VAT1L: variants seen among roughly 807,000 people sequenced by gnomAD.
VAT1L encodes the protein putative NADPH-dependent quinone oxidoreductase VAT1L.
A neutral mutation model predicts 44.1 loss-of-function variants in VAT1L; 34 were observed. That is an observed-to-expected ratio of 0.77 (90% CI 0.59 to 1.03). The LOEUF is 1.03. VAT1L is among the 50% of genes least tolerant of loss of function. The probability of loss-of-function intolerance (pLI) is 0.00; values close to 1 mark genes in which losing one functional copy is unlikely to be tolerated. For synonymous variants in VAT1L, 253 were observed against 202.2 expected (o/e 1.25, Z -2.13); for missense variants, 615 against 538.8 (o/e 1.14, Z -1.40).
intron 2 of VAT1L, among the ~76,000 whole-genome samples, chr16:77,818,223 C>T (rs749446691): frequency 6.6e-6 from 1 of 152,126 alleles, no homozygotes; most frequent in Non-Finnish European, 1.5e-5. Context: ...TGAATTTGAG[C>T]CTGCTTCTCA....
At chr16:77,809,361 T>A (rs1167371262) in intron 1 of VAT1L, among the ~76,000 whole-genome samples, 1 of 152,206 alleles carries the variant, frequency 6.6e-6, no homozygotes, top group Non-Finnish European at 1.5e-5. Flanking sequence ...TCAGAGAAAT[T>A]AGAAAGGCCA....
At chr16:77,863,610 A>AG (rs1475507579) in intron 4 of VAT1L, among the ~76,000 whole-genome samples, 7 of 152,144 alleles carry the variant, frequency 4.6e-5, no homozygotes, top group Non-Finnish European at 1.0e-4. Context: ...AGGGGCAGGG[A>AG]GGGGGCTGCT....
intron 7 of VAT1L, among the ~76,000 whole-genome samples, chr16:77,971,040 G>A (rs1231404446): frequency 1.3e-5 from 2 of 151,518 alleles, no homozygotes; most frequent in Non-Finnish European, 2.9e-5. Flanking sequence ...AAGAGATGTT[G>A]CATTTCCACG....
intron 7 of VAT1L, among the ~76,000 whole-genome samples, chr16:77,935,559 G>A (rs1319063535): frequency 2.6e-5 from 4 of 151,766 alleles, no homozygotes; most frequent in African/African-American, 7.3e-5. Context: ...AGATGGGGGC[G>A]GTGGCGGGGA....
At chr16:77,896,331 T>C (rs941921512) in intron 7 of VAT1L, among the ~76,000 whole-genome samples, 1 of 152,152 alleles carries the variant, frequency 6.6e-6, no homozygotes, top group African/African-American at 2.4e-5. Context: ...ATCCCAACCC[T>C]GAGTTAGGAG....
chr16:77,846,876 T>TA (rs139591118), intron 3 of VAT1L, among the ~76,000 whole-genome samples: 2 of 151,900 alleles, frequency 1.3e-5, no homozygotes, highest in East Asian at 1.9e-4. Flanking sequence ...ATTCTGTGGA[T>TA]AAAAAAAATT....
At chr16:77,789,624 G>A (rs1446117904) in intron 1 of VAT1L, among the ~76,000 whole-genome samples, 1 of 152,138 alleles carries the variant, frequency 6.6e-6, no homozygotes, top group African/African-American at 2.4e-5. Context: ...CCCAGGCTTG[G>A]TGAGGGTGGA....
intron 7 of VAT1L, among the ~76,000 whole-genome samples, chr16:77,902,972 G>GAAAAAAAAAAAAAAAAA (rs11307214): frequency 8.3e-5 from 8 of 96,378 alleles, no homozygotes; most frequent in Non-Finnish European, 1.4e-4. Context: ...GACTCTGTCT[G>GAAAAAAAAAAAAAAAAA]AAAAAAAAAA....
intron 7 of VAT1L, among the ~76,000 whole-genome samples, chr16:77,928,220 A>G (rs917869464): frequency 6.6e-6 from 1 of 152,200 alleles, no homozygotes; most frequent in Non-Finnish European, 1.5e-5. Flanking sequence ...TGACCTGAGA[A>G]GTCCCAGGGA....
At chr16:77,814,438 C>T (rs1246854880) in intron 1 of VAT1L, among the ~76,000 whole-genome samples, 1 of 152,162 alleles carries the variant, frequency 6.6e-6, no homozygotes, top group African/African-American at 2.4e-5. Context: ...GTGTTAGCCT[C>T]TTCTCATTGG....
At chr16:77,923,198 T>A (rs2017630914) in intron 7 of VAT1L, among the ~76,000 whole-genome samples, 1 of 152,170 alleles carries the variant, frequency 6.6e-6, no homozygotes, top group Admixed American at 6.5e-5. Context: ...CGCCTGTAAT[T>A]GCAGCATATT....
intron 7 of VAT1L, among the ~76,000 whole-genome samples, chr16:77,930,280 T>C (rs1597104302): frequency 6.6e-6 from 1 of 152,286 alleles, no homozygotes; most frequent in East Asian, 1.9e-4. Flanking sequence ...ATGGCCTCAG[T>C]GAAAGCCACT....
At chr16:77,939,581 C>A (rs945036996) in intron 7 of VAT1L, among the ~76,000 whole-genome samples, 1 of 152,132 alleles carries the variant, frequency 6.6e-6, no homozygotes, top group South Asian at 2.1e-4. Flanking sequence ...AATCCAGTAA[C>A]CTGGGTTTGG....
At chr16:77,793,434 C>A (rs2145203796) in intron 1 of VAT1L, among the ~76,000 whole-genome samples, 2 of 152,252 alleles carry the variant, frequency 1.3e-5, no homozygotes, top group African/African-American at 4.8e-5. Flanking sequence ...CTTAGGCAAA[C>A]CAAGGTGTAT....
intron 7 of VAT1L, among the ~76,000 whole-genome samples, chr16:77,886,099 G>A (rs1402110139): frequency 1.3e-5 from 2 of 152,128 alleles, no homozygotes; most frequent in African/African-American, 2.4e-5. Context: ...TTAACATTTC[G>A]GTTTGCTTCC....
intron 1 of VAT1L, among the ~76,000 whole-genome samples, chr16:77,812,737 C>T (rs2016287184): frequency 6.6e-6 from 1 of 152,136 alleles, no homozygotes; most frequent in Non-Finnish European, 1.5e-5. Flanking sequence ...CCTAACATAT[C>T]TTCAGATCCC....
chr16:77,858,312 G>C (rs925947681), intron 3 of VAT1L, among the ~76,000 whole-genome samples: 1 of 152,184 alleles, frequency 6.6e-6, no homozygotes, highest in Non-Finnish European at 1.5e-5. Flanking sequence ...GAGGAAGGGA[G>C]GGCATAATGA....
rs769563514 is a variant in VAT1L at position 77,971,811 on chromosome 16, C to T, written c.1078-39C>T. ...CCCCCTTTTTAACTGGGGAACATCT[C>T]GCCTAACCAGCACCTCTGTTTCTCA... On this transcript the variant is annotated intron_variant, in intron 7 of 8. Transcript: ENST00000302536. 8.1e-6 allele frequency: 13 copies of T among 1,596,538 alleles called. No individual in the cohort carries two copies. The South Asian group carries it at 1.4e-4, about 17-fold the overall frequency.
chr16:77,942,376 A>G (rs114711361), intron 7 of VAT1L, among the ~76,000 whole-genome samples: 4,066 of 152,236 alleles, frequency 0.027, 143 homozygotes, highest in African/African-American at 0.08. Flanking sequence ...AATTGTGGGA[A>G]CTGCAATTCA....
Sources: gnomAD v4.1 joint callset for allele counts (sites outside exome capture counted in the v4.1 genomes callset) on GRCh38, gnomAD v4.1.1 for gene constraint, MANE v1.5 for transcripts, NCBI Gene and HGNC (gene_info 2026-07-23, HGNC 2026-07-21) for gene names.